The following SSBP4 variants were observed in gnomAD, a reference collection of about 807,000 sequenced individuals.
The protein encoded by SSBP4 is single-stranded DNA-binding protein 4.
Under a neutral mutation model 64.6 loss-of-function variants are expected in SSBP4, and 33 were observed. That is an observed-to-expected ratio of 0.51 (90% CI 0.39 to 0.68). SSBP4 has a LOEUF of 0.68. Among genes scored for constraint, SSBP4 ranks in the 30% least tolerant of loss-of-function variants. The pLI, the probability that SSBP4 is intolerant of heterozygous loss-of-function variation, is 0.00. For synonymous variants in SSBP4, 243 were observed against 224.0 expected, an observed-to-expected ratio of 1.08 and a Z score of -0.76; for missense variants, 583 against 566.8, an observed-to-expected ratio of 1.03 and a Z score of -0.29.
In SSBP4 at chr19:18,419,639, G is replaced by C. The variant is rs930792966; in HGVS notation, c.-10G>C. 4 of 1,263,254 alleles carry C rather than the reference G, an allele frequency of 3.2e-6. No individual in the cohort carries two copies. In the Admixed American group the frequency reaches 1.2e-4, roughly 39 times the overall value. 78.3% of individuals were successfully genotyped at this position (1,263,254 alleles called of 1,614,324 possible). A position where few individuals can be genotyped will look rare whatever the true frequency, so the allele number is the denominator to read the frequency against. On this transcript the variant is annotated 5_prime_UTR_variant, in exon 1 of 18. Transcript: ENST00000270061. The stretch of plus-strand genomic sequence containing the variant: ...AGGTGTGGGCCCCGGCGGCGGCGGC[G>C]TGGAGCAGCATGTACGCCAAGGGGG...
rs755287600 is a variant in SSBP4 at position 18,432,573 on chromosome 19, G to A, written c.719G>A (p.Arg240His). The A allele has an allele frequency of 1.8e-5, 29 of 1,576,332 alleles. No individual in the cohort carries two copies. The highest frequency in any genetic ancestry group is 1.3e-4 in the South Asian group (11 of 86,936). The change falls in exon 11 of 18, where the codon CGT (arginine) becomes CAT (histidine). Residue 240 changes from arginine (R) to histidine (H), a missense_variant. Coordinates refer to ENST00000270061, the MANE Select transcript of SSBP4 (RefSeq NM_032627.5). ...LPAMNMGPGV[R>H]GPWASPSGNS... ...GTCTCTTCCAGGGGCCCAGGAGTTC[G>A]TGGCCCGTGGGCCAGCCCCAGTGGA...
At chr19:18,424,064 A>G (rs1361768660) in intron 1 of SSBP4, among the ~76,000 whole-genome samples, 1 of 152,214 alleles carries the variant, frequency 6.6e-6, no homozygotes, top group African/African-American at 2.4e-5. Context: ...ACCCAAAACA[A>G]TAACAACCCA....
chr19:18,408,978 A>T, the SSBP4 span, among the ~76,000 whole-genome samples: 2 of 151,354 alleles, frequency 1.3e-5, no homozygotes, highest in African/African-American at 4.9e-5. Flanking sequence ...ACACTTGGCT[A>T]ATTTTTTGAT....
At chr19:18,420,287 G>A (rs1360367934) in intron 1 of SSBP4, among the ~76,000 whole-genome samples, 3 of 152,166 alleles carry the variant, frequency 2.0e-5, no homozygotes, top group African/African-American at 4.8e-5. Flanking sequence ...CAGTCCAGGG[G>A]CGGGTGGGGA....
At chr19:18,433,648 CGGG>C in intron 16 of SSBP4, 35 bp downstream of exon 16, 1 of 205,738 alleles carries the variant, frequency 4.9e-6, no homozygotes, top group Non-Finnish European at 5.9e-6. Flanking sequence ...GGGTGGGATC[CGGG>C]GGGGGTGGCG....
intron 10 of SSBP4, 144 bp from the exon 11 acceptor site, chr19:18,432,415 G>A: frequency 7.5e-7 from 1 of 1,335,032 alleles, no homozygotes; most frequent in South Asian, 1.4e-5. Context: ...GAACCTGGCA[G>A]CTCATGGTGG....
chr19:18,429,319 A>C (rs1345586504), intron 4 of SSBP4, among the ~76,000 whole-genome samples: 3 of 151,660 alleles, frequency 2.0e-5, no homozygotes, highest in Admixed American at 2.0e-4. Flanking sequence ...CGGAGCGCCC[A>C]GCCCATCGCC....
the SSBP4 span, among the ~76,000 whole-genome samples, chr19:18,411,966 C>T: frequency 1.3e-5 from 2 of 151,842 alleles, no homozygotes; most frequent in Non-Finnish European, 2.9e-5. Flanking sequence ...GAGTTCGAGA[C>T]CAACCTGGGA....
At position 18,427,661 on chromosome 19, in the gene SSBP4, C is replaced by A. The variant is rs1972955351; in HGVS notation, c.133-91C>A. 1 of 1,445,660 alleles carries A rather than the reference C, an allele frequency of 6.9e-7. No homozygotes were observed. The highest frequency in any genetic ancestry group is 2.2e-5 in the Admixed American group (1 of 45,806). 89.6% of individuals were successfully genotyped at this position (1,445,660 alleles called of 1,614,324 possible). The stretch of plus-strand genomic sequence containing the variant: ...CCCTGTTACCCTTCCCTCCCCACTC[C>A]CTCCCTGCCCAGATGTTCTCTGGGC... On this transcript the variant is annotated intron_variant, in intron 2 of 17. Transcript: ENST00000270061. The surrounding 1 kb of genome is among the most constrained non-coding windows in gnomAD (Gnocchi z 4.4).
chr19:18,429,470 C>CGGGGGGGGG (rs72317419), intron 4 of SSBP4, among the ~76,000 whole-genome samples: 2 of 116,412 alleles, frequency 1.7e-5, no homozygotes, highest in Non-Finnish European at 2.0e-5. Context: ...TCGCAGGGGG[C>CGGGGGGGGG]GGGGGGGGGG....
chr19:18,407,073 G>A, the SSBP4 span, among the ~76,000 whole-genome samples: 7 of 151,898 alleles, frequency 4.6e-5, no homozygotes, highest in African/African-American at 1.7e-4. Context: ...GTCTCGCTCT[G>A]TCTCCTAGGC....
In SSBP4 at chr19:18,432,582, G is replaced by T; in HGVS notation, c.728G>T (p.Trp243Leu). 1 of 1,576,702 alleles carries T rather than the reference G, an allele frequency of 6.3e-7. No homozygotes were observed. The highest frequency in any genetic ancestry group is 8.6e-7 in the Non-Finnish European group (1 of 1,157,408). The change falls in exon 11 of 18, where the codon TGG (tryptophan) becomes TTG (leucine). Residue 243 changes from tryptophan (W) to leucine (L), a missense_variant. Trp to Leu is a moderately conservative substitution (Grantham distance 61). This residue lies in a region of SSBP4 where 444 missense variants were observed against 386.6 expected (regional missense o/e 1.15). Transcript: ENST00000270061. ...MNMGPGVRGPWASPSGNSIPY... is the reference protein window; with the variant it reads ...MNMGPGVRGPLASPSGNSIPY... ...AGGGGCCCAGGAGTTCGTGGCCCGT[G>T]GGCCAGCCCCAGTGGAAACTCGGTG... is the stretch of plus-strand genomic sequence containing the variant.
chr19:18,431,603 C>T, intron 6 of SSBP4, 44 bp from the exon 7 acceptor site: 2 of 1,519,532 alleles, frequency 1.3e-6, no homozygotes, highest in South Asian at 2.4e-5. Flanking sequence ...GCTTTGGGGA[C>T]CAGAGGGTGG....
chr19:18,403,958 G>T, the SSBP4 span, among the ~76,000 whole-genome samples: 1 of 151,948 alleles, frequency 6.6e-6, no homozygotes, highest in East Asian at 1.9e-4. Context: ...GCCGTCCCAG[G>T]CTTGAGTCCC....
chr19:18,413,796 C>T, the SSBP4 span, among the ~76,000 whole-genome samples: 1 of 152,084 alleles, frequency 6.6e-6, no homozygotes, highest in Non-Finnish European at 1.5e-5. Context: ...GCGGGCAGAT[C>T]GCCTGAAGTC....
At position 18,427,356 on chromosome 19, in the gene SSBP4, C is replaced by T; in HGVS notation, c.65C>T (p.Ala22Val). 2 of 1,610,218 alleles carry T rather than the reference C, an allele frequency of 1.2e-6. No homozygotes were observed. Among genetic ancestry groups the T allele is most frequent in the Non-Finnish European group, 1.7e-6 (2 of 1,179,876 alleles). Residue 22 changes from alanine (A) to valine (V), a missense_variant, in exon 2 of 18, where the codon GCG becomes GTG. Ala to Val is a moderately conservative substitution (Grantham distance 64). Coordinates refer to ENST00000270061, the MANE Select transcript of SSBP4 (RefSeq NM_032627.5). This position sits in a 1 kb window ranked among gnomAD's most constrained non-coding sequence, Gnocchi z 4.4. ...GGGCCGCCTCGCCCCCACAGGTTGG[C>T]GCTGTACGTTTATGAGTACCTGCTG... ...PSDSQAREKL[A>V]LYVYEYLLHI...
At chr19:18,419,351 T>A (rs28375303), upstream of SSBP4, 15 of 1,016,962 alleles carry the variant, frequency 1.5e-5, no homozygotes, top group African/African-American at 1.9e-4. Flanking sequence ...GCGGGCGGCG[T>A]AGAGGCAGCG....
At chr19:18,433,484 GC>G (rs1973666963) in intron 15 of SSBP4, 100 bp from the exon 16 acceptor site, 2 of 913,384 alleles carry the variant, frequency 2.2e-6, no homozygotes, top group Admixed American at 3.9e-5. Flanking sequence ...GGGCGGGGGC[GC>G]GTCGGCGGGG....
the SSBP4 span, among the ~76,000 whole-genome samples, chr19:18,410,004 G>GT: frequency 2.0e-5 from 3 of 151,524 alleles, no homozygotes; most frequent in African/African-American, 7.3e-5. Flanking sequence ...GCTAATTTTT[G>GT]TTTTTTGGAG....
Sources: allele counts gnomAD v4.1 joint callset (sites outside exome capture counted in the v4.1 genomes callset), GRCh38; gene constraint gnomAD v4.1.1; regional missense constraint gnomAD v4.1.1; non-coding constraint Gnocchi (gnomAD v3.1); transcripts MANE v1.5; gene names NCBI Gene and HGNC (gene_info 2026-07-23, HGNC 2026-07-21).